The following UBXN11 variants were observed in gnomAD, a reference collection of about 807,000 sequenced individuals.
UBXN11 encodes the protein UBX domain-containing protein 11.
UBXN11 carries 47 observed loss-of-function variants against 62.8 expected under a neutral mutation model. That is an observed-to-expected ratio of 0.75 (90% CI 0.59 to 0.95). UBXN11 has a LOEUF of 0.95. UBXN11 is among the 40% of genes least tolerant of loss of function. UBXN11 has a pLI of 0.00. For synonymous variants in UBXN11, 294 were observed against 267.0 expected (o/e 1.10, Z -0.99); for missense variants, 638 against 661.7 (o/e 0.96, Z 0.39).
At position 26,285,523 on chromosome 1, in the gene UBXN11, A is replaced by G; in HGVS notation, c.793T>C (p.Leu265=). 3 of 1,595,394 alleles carry G rather than the reference A, an allele frequency of 1.9e-6. No homozygotes were observed. Among genetic ancestry groups the G allele is most frequent in the Non-Finnish European group, 1.7e-6 (2 of 1,166,600 alleles). ...PSTQRCLRDI[L]DGFFPSELQR... Reference sequence around the variant, plus strand: ...AGCTCTGAGGGAAAGAAGCCATCCAATATGTCTCGGAGGCAGCGCTGCAAG... The same window carrying G: ...AGCTCTGAGGGAAAGAAGCCATCCAGTATGTCTCGGAGGCAGCGCTGCAAG... Residue 265 remains leucine, a synonymous_variant, in exon 10 of 15, where the codon TTG becomes CTG. Transcript: ENST00000374222.
chr1:26,298,875 C>T (rs574028492), intron 4 of UBXN11, among the ~76,000 whole-genome samples: 2 of 151,826 alleles, frequency 1.3e-5, no homozygotes, highest in East Asian at 3.9e-4. Context: ...TAGACAGTGT[C>T]CTTTCTATGT....
At chr1:26,311,935 C>T (rs1307535136) in intron 1 of UBXN11, among the ~76,000 whole-genome samples, 2 of 152,190 alleles carry the variant, frequency 1.3e-5, no homozygotes, top group East Asian at 1.9e-4. Context: ...CTTCCACCTT[C>T]TCCCTTCTCC....
Position 26,301,704 on chromosome 1 carries a change from G to C in UBXN11, c.90C>G (p.Ile30Met). The change falls in exon 3 of 15, where the codon ATC (isoleucine) becomes ATG (methionine). Residue 30 changes from isoleucine to methionine, a missense_variant. Transcript: ENST00000374222. The part of the protein sequence containing the change: ...PMNPGRRGIR[I>M]YGDEDEVDML... ...GCGGGGCACACTTACCATCTCCATA[G>C]ATGCGGATTCCTCGCCTCCTGGGAA... 1.2e-6 allele frequency: 2 copies of C among 1,614,008 alleles called. No individual in the cohort carries two copies. Among genetic ancestry groups the C allele is most frequent in the Non-Finnish European group, 1.7e-6 (2 of 1,179,938 alleles).
At chr1:26,302,696 C>T in intron 2 of UBXN11, 117 bp downstream of exon 2, 3 of 1,114,008 alleles carry the variant, frequency 2.7e-6, no homozygotes. Context: ...TCAGGGAAGG[C>T]TATGTGGCCC....
intron 4 of UBXN11, among the ~76,000 whole-genome samples, chr1:26,300,258 T>C (rs4233459): frequency 0.87 from 132,962 of 152,230 alleles, 59,037 homozygotes; most frequent in Non-Finnish European, 0.93. Context: ...AGCATCTCAT[T>C]GAATCCTCCC....
chr1:26,286,480 CTA>C (rs2073137218), intron 8 of UBXN11, among the ~76,000 whole-genome samples: 1 of 152,210 alleles, frequency 6.6e-6, no homozygotes, highest in Non-Finnish European at 1.5e-5. Flanking sequence ...TTCCTCCCTT[CTA>C]TCTGTGTGAC....
intron 5 of UBXN11, 58 bp downstream of exon 5, chr1:26,297,904 A>T: frequency 6.4e-7 from 1 of 1,574,258 alleles, no homozygotes; most frequent in Admixed American, 1.8e-5. Context: ...TGGCCTCCCC[A>T]GCCCAGTCCC....
Position 26,294,740 on chromosome 1 carries a change from G to A in UBXN11, c.433-409C>T, listed in dbSNP as rs151108367. 3.2e-4 allele frequency among the ~76,000 whole-genome samples: 49 copies of A among 152,276 alleles called. 1 individual carries two copies. The East Asian group carries it at 6.6e-3, about 20-fold the overall frequency. On this transcript the variant is annotated intron_variant, in intron 7 of 14. Transcript: ENST00000374222. ...GTGCCAGCCTCCCTAGGGCTTGGCC[G>A]CATGTCCCCTCTGCCACAGGAAACT...
intron 8 of UBXN11, among the ~76,000 whole-genome samples, chr1:26,291,574 AAGG>A (rs2073267044): frequency 6.6e-6 from 1 of 152,200 alleles, no homozygotes; most frequent in South Asian, 2.1e-4. Context: ...GGCAAGGAGC[AAGG>A]AGGTCCCCCC....
intron 1 of UBXN11, among the ~76,000 whole-genome samples, chr1:26,314,232 CT>C (rs2073770035): frequency 6.6e-6 from 1 of 152,040 alleles, no homozygotes; most frequent in Non-Finnish European, 1.5e-5. Context: ...TCTGTTTCTG[CT>C]TTTTGGTCAT....
intron 7 of UBXN11, among the ~76,000 whole-genome samples, chr1:26,295,354 G>A (rs781732991): frequency 6.6e-6 from 1 of 152,038 alleles, no homozygotes; most frequent in Non-Finnish European, 1.5e-5. Context: ...ATCCAGGGGC[G>A]GCGCCTGCTT....
intron 12 of UBXN11, 116 bp from the exon 13 acceptor site, chr1:26,283,053 G>T: frequency 7.4e-7 from 1 of 1,352,126 alleles, no homozygotes; most frequent in Non-Finnish European, 1.0e-6. Flanking sequence ...AGCAAAGCGG[G>T]AGGGGGTGTT....
At chr1:26,304,676 C>T (rs2073619130) in intron 1 of UBXN11, among the ~76,000 whole-genome samples, 1 of 152,068 alleles carries the variant, frequency 6.6e-6, no homozygotes, top group Non-Finnish European at 1.5e-5. Flanking sequence ...TTGCTTGAAC[C>T]CAGGAGGCGG....
At position 26,298,780 on chromosome 1, in the gene UBXN11, G is replaced by GAAA. The variant is rs11368453; in HGVS notation, c.200-721_200-719dup. ...TAACAGAGTGAGGGACTCTGTCTCAGAAAAAAAAAAAAAAAAAAAAAAGTA... is the reference window on the plus strand; with the variant it reads ...TAACAGAGTGAGGGACTCTGTCTCAGAAAAAAAAAAAAAAAAAAAAAAAAAGTA... On this transcript the variant is annotated intron_variant, in intron 4 of 14. Coordinates refer to ENST00000374222, the MANE Select transcript of UBXN11 (RefSeq NM_001389556.1). Among the ~76,000 whole-genome samples the GAAA allele has an allele frequency of 4.2e-4, 26 of 61,516 alleles. No homozygotes were observed. In the East Asian group the frequency reaches 5.5e-3, roughly 13 times the overall value. 40.4% of individuals were successfully genotyped at this position (61,516 alleles called of 152,430 possible).
intron 7 of UBXN11, 74 bp from the exon 8 acceptor site, chr1:26,294,405 A>G: frequency 6.3e-7 from 1 of 1,574,866 alleles, no homozygotes; most frequent in Non-Finnish European, 8.6e-7. Context: ...TGTCAGCCCA[A>G]AGCCCAGCCT....
chr1:26,297,428 T>C lies in UBXN11; in HGVS notation c.354A>G (p.Pro118=). 1 of 1,548,262 alleles carries C rather than the reference T, an allele frequency of 6.5e-7. No homozygotes were observed. The highest frequency in any genetic ancestry group is 8.7e-7 in the Non-Finnish European group (1 of 1,145,794). Residue 118 remains proline, a splice_region_variant and synonymous_variant, in exon 6 of 15, where the codon CCA becomes CCG. Coordinates refer to ENST00000374222, the MANE Select transcript of UBXN11 (RefSeq NM_001389556.1). ...EDLVQTLRPH[P]AEATLQRQEE... is the part of the protein sequence containing the mutation. ...GTCAGCCCTCCAAGAGCCCCCTACC[T>C]GGGTGTGGCCGGAGGGTCTGCACCA... is the stretch of plus-strand genomic sequence containing the variant.
intron 8 of UBXN11, among the ~76,000 whole-genome samples, chr1:26,293,046 A>G (rs2073308682): frequency 5.3e-5 from 8 of 152,110 alleles, no homozygotes; most frequent in Admixed American, 5.2e-4. Flanking sequence ...TCATCTTCCA[A>G]ATGGGCCCCT....
chr1:26,286,860 G>A (rs1018832237), intron 8 of UBXN11, among the ~76,000 whole-genome samples: 7 of 152,106 alleles, frequency 4.6e-5, no homozygotes, highest in Middle Eastern at 3.4e-3. Flanking sequence ...CACCACACCC[G>A]GCTAATTTTT....
rs1377115437 is a variant in UBXN11 at position 26,282,338 on chromosome 1, G to GCCGGGA, written c.1518_1523dup (p.Gly508_Pro509dup). 1.4e-4 allele frequency: 45 copies of GCCGGGA among 324,390 alleles called. 1 individual carries two copies. Among genetic ancestry groups the GCCGGGA allele is most frequent in the South Asian group, 1.8e-4 (5 of 28,408 alleles). The allele number at this position is 324,390 out of a possible 1,614,324, so 20.1% of individuals were successfully genotyped here. ...GACTGGGTCCAGGACAGGGACTGGG[G>GCCGGGA]CCGGGACCGGGACCGGGACTGGGGC... On this transcript the variant is annotated inframe_insertion, in exon 15 of 15. Transcript: ENST00000374222.
Sources: allele counts gnomAD v4.1 joint callset (sites outside exome capture counted in the v4.1 genomes callset), GRCh38; gene constraint gnomAD v4.1.1; transcripts MANE v1.5; gene names NCBI Gene and HGNC (gene_info 2026-07-23, HGNC 2026-07-21).